Variants in ATP11C observed in about 807,000 individuals in gnomAD.
ATP11C encodes the protein ATPase phospholipid transporting 11C (ATP11C blood group).
In ATP11C, 36 loss-of-function variants were observed where a neutral mutation model predicts 97.4. That is an observed-to-expected ratio of 0.37 (90% CI 0.28 to 0.49). The LOEUF (loss-of-function observed/expected upper bound fraction) is 0.49, where lower values mean the gene tolerates loss of function less well. Among genes scored for constraint, ATP11C ranks in the 20% least tolerant of loss-of-function variants. The pLI is 0.98. For missense variants in ATP11C, 730 were observed against 824.6 expected (o/e 0.89, Z 1.40); for synonymous variants, 275 against 290.9 (o/e 0.95, Z 0.56).
intron 2 of ATP11C, among the ~76,000 whole-genome samples, chrX:139,822,798 G>A (rs1197715120): frequency 9.1e-6 from 1 of 109,526 alleles, no homozygotes; most frequent in Non-Finnish European, 1.9e-5. Context: ...TCAGCCTCCC[G>A]AAGTGCTGGC....
chrX:139,923,682 A>C (rs2085302485), intron 1 of ATP11C, among the ~76,000 whole-genome samples: 2 of 112,067 alleles, frequency 1.8e-5, no homozygotes. Context: ...TAGCTTACAT[A>C]ATCTGCTCTA....
At chrX:139,909,505 T>A (rs1421642482) in intron 1 of ATP11C, among the ~76,000 whole-genome samples, 2 of 110,946 alleles carry the variant, frequency 1.8e-5, no homozygotes, top group Non-Finnish European at 3.8e-5. Flanking sequence ...CACAAACTTA[T>A]GCATGGGATA....
At chrX:139,850,853 T>G (rs2491007) in intron 1 of ATP11C, among the ~76,000 whole-genome samples, 1 of 110,404 alleles carries the variant, frequency 9.1e-6, no homozygotes, top group Admixed American at 9.6e-5. Flanking sequence ...GAGGCTGCAG[T>G]GAGCCAAGAT....
chrX:139,748,425 G>C (rs140720264), intron 24 of ATP11C, among the ~76,000 whole-genome samples: 1 of 110,887 alleles, frequency 9.0e-6, no homozygotes, highest in African/African-American at 3.3e-5. Context: ...CTGCACTATC[G>C]GGCTTCACTT....
intron 1 of ATP11C, among the ~76,000 whole-genome samples, chrX:139,841,477 G>A (rs188896083): frequency 8.9e-6 from 1 of 112,745 alleles, no homozygotes; most frequent in African/African-American, 3.2e-5. Context: ...GAAATGATTG[G>A]TGGTACAAGG....
At chrX:139,773,936 T>G (rs779807424) in intron 19 of ATP11C, among the ~76,000 whole-genome samples, 1 of 112,552 alleles carries the variant, frequency 8.9e-6, no homozygotes, top group Non-Finnish European at 1.9e-5. Flanking sequence ...CCCTTAACAC[T>G]GTTCCTGGAA....
At chrX:139,733,183 A>T (rs2081380733) in intron 28 of ATP11C, among the ~76,000 whole-genome samples, 1 of 111,971 alleles carries the variant, frequency 8.9e-6, no homozygotes, top group Non-Finnish European at 1.9e-5. Flanking sequence ...TTACCTGGGT[A>T]AGGTATTATT....
At chrX:139,825,782 C>T (rs1277557119) in intron 2 of ATP11C, among the ~76,000 whole-genome samples, 1 of 112,633 alleles carries the variant, frequency 8.9e-6, no homozygotes, top group East Asian at 2.8e-4. Flanking sequence ...CCAAATGTCA[C>T]CAACTTTTAT....
chrX:139,903,316 G>A (rs1326685270), intron 1 of ATP11C, among the ~76,000 whole-genome samples: 1 of 110,690 alleles, frequency 9.0e-6, no homozygotes, highest in Admixed American at 9.7e-5. Context: ...CAGGGGGCAG[G>A]CCTCTGACCT....
At chrX:139,860,427 T>A (rs1341614092) in intron 1 of ATP11C, among the ~76,000 whole-genome samples, 6 of 112,028 alleles carry the variant, frequency 5.4e-5, no homozygotes, top group Non-Finnish European at 9.4e-5. Flanking sequence ...AAAGCACGGA[T>A]ATCTAATTTT....
At chrX:139,813,941 G>A (rs978060568) in intron 5 of ATP11C, among the ~76,000 whole-genome samples, 11 of 110,993 alleles carry the variant, frequency 9.9e-5, no homozygotes, top group African/African-American at 3.6e-4. Context: ...TATGGACTTT[G>A]GGTGATAGTG....
intron 1 of ATP11C, among the ~76,000 whole-genome samples, chrX:139,841,335 T>C (rs771052786): frequency 1.8e-5 from 2 of 112,386 alleles, no homozygotes; most frequent in Non-Finnish European, 3.8e-5. Context: ...CTTGTTTCAG[T>C]AGTTTTCATC....
At position 139,877,275 on chromosome X, in the gene ATP11C, C is replaced by T. The variant is rs184415672; in HGVS notation, c.28-50452G>A. ...TGTTCATACGTGGATTTCCTTGTAACACCTCAAAGGGAAGTTAAGAAGTAG... is the reference window on the plus strand; with the variant it reads ...TGTTCATACGTGGATTTCCTTGTAATACCTCAAAGGGAAGTTAAGAAGTAG... On this transcript the variant is annotated intron_variant, in intron 1 of 29. Transcript: ENST00000682941. Among the ~76,000 whole-genome samples the T allele has an allele frequency of 2.7e-5, 3 of 112,274 alleles. No individual in the cohort carries two copies. The East Asian group carries it at 8.4e-4, about 31-fold the overall frequency.
At chrX:139,776,658 G>A (rs2082355086) in intron 18 of ATP11C, among the ~76,000 whole-genome samples, 1 of 111,022 alleles carries the variant, frequency 9.0e-6, no homozygotes, top group Non-Finnish European at 1.9e-5. Context: ...CAGGGTAGGT[G>A]CTTCCACTCA....
intron 26 of ATP11C, among the ~76,000 whole-genome samples, chrX:139,741,417 A>G (rs1327683539): frequency 9.0e-6 from 1 of 110,810 alleles, no homozygotes; most frequent in Non-Finnish European, 1.9e-5. Context: ...AGGAGGCCCA[A>G]GCCCCAAGTC....
chrX:139,926,577 T>C (rs1375827881), intron 1 of ATP11C, among the ~76,000 whole-genome samples: 1 of 112,027 alleles, frequency 8.9e-6, no homozygotes, highest in Non-Finnish European at 1.9e-5. Flanking sequence ...TTTTGAACAG[T>C]TGCATCAATA....
chrX:139,795,435 G>A (rs977867291), intron 12 of ATP11C, among the ~76,000 whole-genome samples: 1 of 111,282 alleles, frequency 9.0e-6, no homozygotes, highest in Admixed American at 9.6e-5. Context: ...CAAGTGTGAG[G>A]CTCTGCTCCA....
At chrX:139,880,302 G>A (rs937644048) in intron 1 of ATP11C, among the ~76,000 whole-genome samples, 4 of 111,715 alleles carry the variant, frequency 3.6e-5, no homozygotes, top group African/African-American at 1.3e-4. Flanking sequence ...AAAGAAGATA[G>A]AGAGTGATTT....
intron 27 of ATP11C, among the ~76,000 whole-genome samples, chrX:139,738,867 A>G (rs2081498962): frequency 9.0e-6 from 1 of 110,812 alleles, no homozygotes. Context: ...GATGCACATC[A>G]GACTGCCCTA....
Sources: gnomAD v4.1 joint callset for allele counts (sites outside exome capture counted in the v4.1 genomes callset) on GRCh38, gnomAD v4.1.1 for gene constraint, MANE v1.5 for transcripts, NCBI Gene and HGNC (gene_info 2026-07-23, HGNC 2026-07-21) for gene names.